HCN1: variants seen among roughly 807,000 people sequenced by gnomAD.
HCN1 encodes the protein potassium/sodium hyperpolarization-activated cyclic nucleotide-gated channel 1.
Under a neutral mutation model 78.9 loss-of-function variants are expected in HCN1, and 13 were observed. That is an observed-to-expected ratio of 0.16 (90% CI 0.11 to 0.26). The LOEUF (loss-of-function observed/expected upper bound fraction) is 0.26, where lower values mean the gene tolerates loss of function less well. HCN1 is among the 10% of genes least tolerant of loss of function. The probability of loss-of-function intolerance (pLI) is 1.00; values close to 1 mark genes in which losing one functional copy is unlikely to be tolerated. For missense variants in HCN1, 810 were observed against 1,154.3 expected, an observed-to-expected ratio of 0.70 and a Z score of 4.32; for synonymous variants, 552 against 455.5, an observed-to-expected ratio of 1.21 and a Z score of -2.70.
intron 4 of HCN1, among the ~76,000 whole-genome samples, chr5:45,372,098 T>A (rs1215418868): frequency 3.6e-5 from 2 of 55,736 alleles, no homozygotes; most frequent in Non-Finnish European, 5.6e-5. Flanking sequence ...TATATATATA[T>A]TTTATATATA....
At chr5:45,454,267 C>G (rs1740980351) in intron 3 of HCN1, among the ~76,000 whole-genome samples, 1 of 151,978 alleles carries the variant, frequency 6.6e-6, no homozygotes, top group African/African-American at 2.4e-5. Flanking sequence ...AACCCTTTCC[C>G]TTTTGTGATG....
intron 5 of HCN1, among the ~76,000 whole-genome samples, chr5:45,317,799 C>A (rs996467978): frequency 8.6e-5 from 13 of 152,014 alleles, no homozygotes; most frequent in African/African-American, 3.1e-4. Context: ...ATGCAGCCAA[C>A]AGACACATGA....
intron 4 of HCN1, among the ~76,000 whole-genome samples, chr5:45,368,233 A>C (rs1296679797): frequency 6.6e-6 from 1 of 152,004 alleles, no homozygotes; most frequent in Non-Finnish European, 1.5e-5. Context: ...AGATAATGAC[A>C]CTAATTTGAT....
At position 45,530,826 on chromosome 5, in the gene HCN1, T is replaced by C. The variant is rs561032869; in HGVS notation, c.850-68819A>G. ...ACCATTTGACAGGTAACATAAATGA[T>C]AGAATGGACAAATTTCCATATCTTT... On this transcript the variant is annotated intron_variant, in intron 2 of 7. Coordinates refer to ENST00000303230, the MANE Select transcript of HCN1 (RefSeq NM_021072.4). 1.3e-4 allele frequency among the ~76,000 whole-genome samples: 20 copies of C among 152,234 alleles called. No homozygotes were observed. The South Asian group carries it at 2.7e-3, about 21-fold the overall frequency.
At chr5:45,601,306 T>C (rs1744618833) in intron 2 of HCN1, among the ~76,000 whole-genome samples, 1 of 152,076 alleles carries the variant, frequency 6.6e-6, no homozygotes, top group African/African-American at 2.4e-5. Flanking sequence ...TTTCCAATAA[T>C]GAATAGATTC....
At chr5:45,517,837 G>C (rs1232094306) in intron 2 of HCN1, among the ~76,000 whole-genome samples, 1 of 151,984 alleles carries the variant, frequency 6.6e-6, no homozygotes, top group Non-Finnish European at 1.5e-5. Flanking sequence ...CCAATGAAAT[G>C]ATGTTGTCCC....
chr5:45,263,776 T>A (rs1381528070), intron 7 of HCN1, among the ~76,000 whole-genome samples: 4 of 151,674 alleles, frequency 2.6e-5, no homozygotes, highest in Admixed American at 2.6e-4. Flanking sequence ...TAAAATTTAT[T>A]ATTTATTTAT....
At chr5:45,534,991 G>T (rs1265470638) in intron 2 of HCN1, among the ~76,000 whole-genome samples, 1 of 152,100 alleles carries the variant, frequency 6.6e-6, no homozygotes, top group Non-Finnish European at 1.5e-5. Flanking sequence ...AGTAAGACTT[G>T]GCAATTCTAT....
Position 45,505,003 on chromosome 5 carries a change from C to T in HCN1, c.850-42996G>A, listed in dbSNP as rs1177899442. ...TCATTGTAGATTCTGGATATTAGCCCTTTGACAGATGAGTAGATTGCAAAA... is the reference window on the plus strand; with the variant it reads ...TCATTGTAGATTCTGGATATTAGCCTTTTGACAGATGAGTAGATTGCAAAA... On this transcript the variant is annotated intron_variant, in intron 2 of 7. Coordinates refer to ENST00000303230, the MANE Select transcript of HCN1 (RefSeq NM_021072.4). Among the ~76,000 whole-genome samples, 32 of 152,214 alleles carry T rather than the reference C, an allele frequency of 2.1e-4. No individual in the cohort carries two copies. In the East Asian group the frequency reaches 5.8e-3, roughly 28 times the overall value.
intron 2 of HCN1, among the ~76,000 whole-genome samples, chr5:45,476,554 T>C (rs904022240): frequency 2.0e-5 from 3 of 152,202 alleles, no homozygotes; most frequent in Non-Finnish European, 2.9e-5. Context: ...GGTCTCAGCA[T>C]GGCCTTTAAT....
chr5:45,396,761 T>C (rs765644304), intron 3 of HCN1, 51 bp from the exon 4 acceptor site: 6 of 1,389,136 alleles, frequency 4.3e-6, no homozygotes, highest in Non-Finnish European at 6.1e-6. Context: ...GATGGCAGAA[T>C]GAAAAGTGAG....
At chr5:45,550,409 C>T (rs1261866058) in intron 2 of HCN1, among the ~76,000 whole-genome samples, 1 of 152,126 alleles carries the variant, frequency 6.6e-6, no homozygotes, top group Non-Finnish European at 1.5e-5. Flanking sequence ...AGAAACCAAA[C>T]ACCACATGTT....
chr5:45,691,322 A>C (rs1739911194), intron 1 of HCN1, among the ~76,000 whole-genome samples: 1 of 152,086 alleles, frequency 6.6e-6, no homozygotes, highest in South Asian at 2.1e-4. Context: ...TTAAAGGGAA[A>C]GTTGCTCAGA....
intron 6 of HCN1, among the ~76,000 whole-genome samples, chr5:45,271,399 C>G (rs1368728466): frequency 1.3e-5 from 2 of 150,672 alleles, no homozygotes. Flanking sequence ...CACACACACA[C>G]ACAGACACAG....
At chr5:45,535,830 C>A (rs1183790690) in intron 2 of HCN1, among the ~76,000 whole-genome samples, 1 of 152,040 alleles carries the variant, frequency 6.6e-6, no homozygotes, top group Admixed American at 6.6e-5. Flanking sequence ...TATTTTTAAT[C>A]CTTTCTGGTA....
intron 2 of HCN1, among the ~76,000 whole-genome samples, chr5:45,520,110 A>ATGTG (rs1209357212): frequency 6.6e-6 from 1 of 152,004 alleles, no homozygotes; most frequent in African/African-American, 2.4e-5. Flanking sequence ...CAGTTCACAT[A>ATGTG]TGTGTGCTTA....
chr5:45,304,079 G>T (rs1158721946), intron 5 of HCN1, among the ~76,000 whole-genome samples: 1 of 152,000 alleles, frequency 6.6e-6, no homozygotes, highest in East Asian at 1.9e-4. Context: ...TTCGATAAAT[G>T]TTAATTCAAT....
chr5:45,275,414 A>G (rs1321550754), intron 6 of HCN1, among the ~76,000 whole-genome samples: 1 of 152,168 alleles, frequency 6.6e-6, no homozygotes, highest in African/African-American at 2.4e-5. Context: ...TTATAATACA[A>G]AGCTCTCATC....
chr5:45,559,800 T>C (rs766718392), intron 2 of HCN1: 8 of 152,178 alleles, frequency 5.3e-5, no homozygotes, highest in Non-Finnish European at 8.8e-5. Context: ...GTGGGTAAAA[T>C]GTATCAAATA....
Sources: allele counts gnomAD v4.1 joint callset (sites outside exome capture counted in the v4.1 genomes callset), GRCh38; gene constraint gnomAD v4.1.1; transcripts MANE v1.5; gene names NCBI Gene and HGNC (gene_info 2026-07-23, HGNC 2026-07-21).